Variants in SLC35F1 observed in about 807,000 individuals in gnomAD.
SLC35F1 encodes the protein solute carrier family 35 member F1, also known as chromosome 6 open reading frame 169.
Under a neutral mutation model 48.7 loss-of-function variants are expected in SLC35F1, and 14 were observed. The observed-to-expected ratio is 0.29, with a 90% confidence interval of 0.19 to 0.45. The LOEUF (loss-of-function observed/expected upper bound fraction) is 0.45. Among genes scored for constraint, SLC35F1 ranks in the 20% least tolerant of loss-of-function variants. SLC35F1 has a pLI of 1.00. For missense variants in SLC35F1, 404 were observed against 500.0 expected (o/e 0.81, Z 1.83); for synonymous variants, 190 against 202.2 (o/e 0.94, Z 0.51).
chr6:118,124,721 T>G (rs1303350294), intron 1 of SLC35F1, among the ~76,000 whole-genome samples: 1 of 152,156 alleles, frequency 6.6e-6, no homozygotes, highest in Non-Finnish European at 1.5e-5. Flanking sequence ...CATTTTTTTC[T>G]TCTCCTTTTG....
chr6:118,261,771 G>T (rs1197848996), intron 3 of SLC35F1, among the ~76,000 whole-genome samples: 2 of 152,156 alleles, frequency 1.3e-5, no homozygotes, highest in African/African-American at 4.8e-5. Context: ...CTTGGCAGGG[G>T]TGAGGCAGAA....
intron 1 of SLC35F1, among the ~76,000 whole-genome samples, chr6:117,924,485 C>CATATATACATAT (rs1562239504): frequency 0.015 from 2,126 of 144,142 alleles, 96 homozygotes; most frequent in Non-Finnish European, 0.024. Flanking sequence ...TATGTATATA[C>CATATATACATAT]GTATATACAT....
rs1024548719 is a variant in SLC35F1, at chr6:118,264,164, C to T, written c.478-2831C>T. Among the ~76,000 whole-genome samples, 11 of 152,314 alleles carry T rather than the reference C, an allele frequency of 7.2e-5. No individual in the cohort carries two copies. In the East Asian group the frequency reaches 1.2e-3, roughly 16 times the overall value. On this transcript the variant is annotated intron_variant, in intron 3 of 7. Transcript: ENST00000360388. The stretch of plus-strand genomic sequence containing the variant: ...GTTTGCAAATGTGTAGAATGTTTAA[C>T]GGTCAAGGCCCAGCAATGCTAACTG...
chr6:118,095,166 T>C (rs1311693344), intron 1 of SLC35F1, among the ~76,000 whole-genome samples: 11 of 152,212 alleles, frequency 7.2e-5, no homozygotes, highest in Non-Finnish European at 1.6e-4. Flanking sequence ...TTGGCCATTG[T>C]ATTTGACAAG....
At chr6:118,268,519 T>G (rs283090) in intron 4 of SLC35F1, among the ~76,000 whole-genome samples, 15,075 of 150,468 alleles carry the variant, frequency 0.1, 932 homozygotes, top group African/African-American at 0.16. Context: ...AATAATCTTT[T>G]TGGACCAATC....
chr6:117,911,413 C>T (rs1372071756), intron 1 of SLC35F1, among the ~76,000 whole-genome samples: 1 of 103,142 alleles, frequency 9.7e-6, no homozygotes, highest in African/African-American at 5.8e-5. Flanking sequence ...CTCCCTCCCT[C>T]CCTCCCTCCC....
intron 1 of SLC35F1, among the ~76,000 whole-genome samples, chr6:118,046,783 A>G (rs1038892002): frequency 1.3e-5 from 2 of 152,148 alleles, no homozygotes; most frequent in Admixed American, 6.6e-5. Flanking sequence ...TGTTATACCT[A>G]TTTCTCAGAC....
intron 1 of SLC35F1, among the ~76,000 whole-genome samples, chr6:118,026,179 A>G (rs376465546): frequency 2.0e-5 from 3 of 152,242 alleles, no homozygotes; most frequent in South Asian, 2.1e-4. Context: ...TAAAGGGAGG[A>G]TGTTTGAAAG....
intron 1 of SLC35F1, among the ~76,000 whole-genome samples, chr6:118,146,851 G>A (rs1436204026): frequency 1.3e-5 from 2 of 152,064 alleles, no homozygotes; most frequent in African/African-American, 2.4e-5. Context: ...CTACCAAAGA[G>A]TTTAATCAAA....
chr6:118,039,870 C>T (rs1330415910), intron 1 of SLC35F1, among the ~76,000 whole-genome samples: 1 of 122,774 alleles, frequency 8.1e-6, no homozygotes, highest in Non-Finnish European at 1.6e-5. Flanking sequence ...GTATGCTGGA[C>T]ACTAAATGTT....
At chr6:117,947,417 A>G (rs376171936) in intron 1 of SLC35F1, among the ~76,000 whole-genome samples, 130 of 152,336 alleles carry the variant, frequency 8.5e-4, no homozygotes, top group African/African-American at 3.1e-3. Context: ...TTTTACTCCT[A>G]GCACAATGAG....
intron 7 of SLC35F1, among the ~76,000 whole-genome samples, chr6:118,300,359 A>G (rs745672206): frequency 6.6e-5 from 10 of 152,234 alleles, no homozygotes; most frequent in Admixed American, 2.0e-4. Context: ...TTTGGTATCC[A>G]AGGAAGATTC....
At chr6:118,312,163 G>A (rs1297069090) in intron 7 of SLC35F1, among the ~76,000 whole-genome samples, 1 of 152,192 alleles carries the variant, frequency 6.6e-6, no homozygotes, top group African/African-American at 2.4e-5. Context: ...ACCTCCATAT[G>A]CTGTAGTAGA....
intron 7 of SLC35F1, among the ~76,000 whole-genome samples, chr6:118,302,277 A>G (rs1346124980): frequency 6.6e-6 from 1 of 152,184 alleles, no homozygotes; most frequent in Non-Finnish European, 1.5e-5. Flanking sequence ...AGTAGCTTAT[A>G]AAGAACAGTC....
In SLC35F1 at chr6:118,298,539, C is replaced by T. The variant is rs565154368; in HGVS notation, c.1002+13201C>T. Reference sequence around the variant, plus strand: ...ACCTCCCCAAGAATCTTAGGCAGTACATAATGGTTTCTATTCCTGACAATA... The same window carrying T: ...ACCTCCCCAAGAATCTTAGGCAGTATATAATGGTTTCTATTCCTGACAATA... On this transcript the variant is annotated intron_variant, in intron 7 of 7. Transcript: ENST00000360388. Among the ~76,000 whole-genome samples, 4 of 152,268 alleles carry T rather than the reference C, an allele frequency of 2.6e-5. 1 individual carries two copies. Among genetic ancestry groups the T allele is most frequent in the East Asian group, 3.9e-4 (2 of 5,176 alleles).
chr6:118,227,215 A>G (rs1027357185), intron 2 of SLC35F1, among the ~76,000 whole-genome samples: 1 of 152,166 alleles, frequency 6.6e-6, no homozygotes, highest in African/African-American at 2.4e-5. Flanking sequence ...GAGAGGCCCA[A>G]CCTGGCAGAC....
At chr6:117,981,378 A>T (rs1440620342) in intron 1 of SLC35F1, among the ~76,000 whole-genome samples, 1 of 152,158 alleles carries the variant, frequency 6.6e-6, no homozygotes, top group Non-Finnish European at 1.5e-5. Flanking sequence ...GGAGTATATA[A>T]AACTGAGAGT....
At chr6:118,063,495 T>A (rs374421999) in intron 1 of SLC35F1, among the ~76,000 whole-genome samples, 2 of 152,184 alleles carry the variant, frequency 1.3e-5, no homozygotes, top group African/African-American at 4.8e-5. Flanking sequence ...CTATTTTTAT[T>A]GACATACTTT....
intron 7 of SLC35F1, among the ~76,000 whole-genome samples, chr6:118,290,415 C>G (rs1776106419): frequency 6.6e-6 from 1 of 151,726 alleles, no homozygotes; most frequent in African/African-American, 2.4e-5. Flanking sequence ...CCCCTTCATT[C>G]TCATTGTACT....
Sources: gnomAD v4.1 joint callset for allele counts (sites outside exome capture counted in the v4.1 genomes callset) on GRCh38, gnomAD v4.1.1 for gene constraint, MANE v1.5 for transcripts, NCBI Gene and HGNC (gene_info 2026-07-23, HGNC 2026-07-21) for gene names.